The following ATP8A1 variants were observed in gnomAD, a reference collection of about 807,000 sequenced individuals.
The protein encoded by ATP8A1 is phospholipid-transporting ATPase IA.
ATP8A1 carries 90 observed loss-of-function variants against 177.7 expected under a neutral mutation model. The ratio of observed to expected loss-of-function variants is 0.51; its 90% CI spans 0.43 to 0.60. The LOEUF is 0.60. ATP8A1 is among the 20% of genes least tolerant of loss of function. ATP8A1 has a pLI of 0.00. For missense variants in ATP8A1, 1,072 were observed against 1,392.8 expected (o/e 0.77, Z 3.67); for synonymous variants, 493 against 485.9 (o/e 1.01, Z -0.19).
chr4:42,592,178 A>G (rs1560496240), intron 6 of ATP8A1, among the ~76,000 whole-genome samples: 1 of 152,204 alleles, frequency 6.6e-6, no homozygotes, highest in Non-Finnish European at 1.5e-5. Context: ...TCAATAACAA[A>G]AAGCAATGAA....
chr4:42,581,509 C>T lies in ATP8A1; in HGVS notation c.834+112G>A, dbSNP rs1733071742. ...AGATTCTGAACATATAGGGTTGGATCAGGAGTCTGTGACAGATGGTCTCCT... is the reference window on the plus strand; with the variant it reads ...AGATTCTGAACATATAGGGTTGGATTAGGAGTCTGTGACAGATGGTCTCCT... On this transcript the variant is annotated intron_variant, in intron 10 of 36. Transcript: ENST00000381668. 6.1e-5 allele frequency: 47 copies of T among 767,606 alleles called. 2 individuals are homozygous for T. In the South Asian group the frequency reaches 6.7e-4, roughly 11 times the overall value. The allele number at this position is 767,606 out of a possible 1,614,324, so 47.5% of individuals were successfully genotyped here.
chr4:42,626,470 T>C (rs574054646), intron 2 of ATP8A1: 1 of 152,856 alleles, frequency 6.5e-6, no homozygotes, highest in African/African-American at 2.4e-5. Context: ...AGAAGCCGCA[T>C]AAGTGGCCAG....
At chr4:42,558,490 T>C (rs925902270) in intron 15 of ATP8A1, among the ~76,000 whole-genome samples, 2 of 152,240 alleles carry the variant, frequency 1.3e-5, no homozygotes, top group Admixed American at 6.5e-5. Context: ...TTAAAAGTTA[T>C]GATACATTGT....
chr4:42,486,743 T>G (rs1367046718), intron 24 of ATP8A1, among the ~76,000 whole-genome samples: 1 of 152,194 alleles, frequency 6.6e-6, no homozygotes, highest in African/African-American at 2.4e-5. Flanking sequence ...ATATTTTTAC[T>G]GTGCCTTTTC....
At chr4:42,574,492 G>T (rs1732228119) in intron 14 of ATP8A1, 127 bp downstream of exon 14, 3 of 708,484 alleles carry the variant, frequency 4.2e-6, no homozygotes, top group Non-Finnish European at 7.1e-6. Flanking sequence ...AATTATAACA[G>T]CTGCTTTTCA....
intron 6 of ATP8A1, among the ~76,000 whole-genome samples, chr4:42,591,575 GC>G (rs1449374865): frequency 6.6e-6 from 1 of 152,104 alleles, no homozygotes; most frequent in African/African-American, 2.4e-5. Context: ...GGAAGGGTAA[GC>G]CTTTGAATCC....
intron 4 of ATP8A1, among the ~76,000 whole-genome samples, chr4:42,616,530 T>A (rs1397853920): frequency 6.6e-6 from 1 of 152,218 alleles, no homozygotes; most frequent in African/African-American, 2.4e-5. Flanking sequence ...TGTTACCGAA[T>A]TAAGCTGAGC....
At chr4:42,527,327 T>C (rs551171742) in intron 20 of ATP8A1, among the ~76,000 whole-genome samples, 77 of 152,304 alleles carry the variant, frequency 5.1e-4, no homozygotes, top group African/African-American at 1.8e-3. Flanking sequence ...TGGAAAAGAA[T>C]GGGACCCCGC....
At chr4:42,481,613 G>C (rs1721679152) in intron 25 of ATP8A1, among the ~76,000 whole-genome samples, 1 of 152,166 alleles carries the variant, frequency 6.6e-6, no homozygotes, top group East Asian at 1.9e-4. Flanking sequence ...ATTTAGTACA[G>C]TTACTCCCTG....
Position 42,656,718 on chromosome 4 carries a change from C to A in ATP8A1, c.49+107G>T, listed in dbSNP as rs1282262258. 2.8e-5 allele frequency: 36 copies of A among 1,305,154 alleles called. 2 individuals carry two copies. The South Asian group carries it at 6.3e-4, about 23-fold the overall frequency. 80.8% of individuals were successfully genotyped at this position (1,305,154 alleles called of 1,614,324 possible). The stretch of plus-strand genomic sequence containing the variant: ...GGGCCGGGCGCGACAGTCGGACTGC[C>A]GCCGGGGAAGAGGTAGGATGCGGTC... On this transcript the variant is annotated intron_variant, in intron 1 of 36. Coordinates refer to ENST00000381668, the MANE Select transcript of ATP8A1 (RefSeq NM_006095.2).
chr4:42,543,633 A>T (rs529835404), intron 20 of ATP8A1, among the ~76,000 whole-genome samples: 5 of 152,356 alleles, frequency 3.3e-5, no homozygotes, highest in African/African-American at 1.2e-4. Context: ...TTCTGTATTT[A>T]ACTGTCTTCT....
At chr4:42,615,914 C>T (rs1577707673) in intron 5 of ATP8A1, 119 bp downstream of exon 5, 3 of 895,060 alleles carry the variant, frequency 3.4e-6, no homozygotes, top group Non-Finnish European at 5.1e-6. Context: ...AATCAATCTA[C>T]CCCAAAACAA....
At position 42,555,986 on chromosome 4, in the gene ATP8A1, T is replaced by A. The variant is rs1730193538; in HGVS notation, c.1395A>T (p.Glu465Asp). ...EKTFSDSSLLENLQNNHPTAP... is the reference protein window; with the variant it reads ...EKTFSDSSLLDNLQNNHPTAP... ...AACTTACATGATTATTTTGGAGATT[T>A]TCCAGCAATGATGAATCACTAAATG... Residue 465 changes from glutamate (E) to aspartate (D), a missense_variant, in exon 16 of 37, where the codon GAA becomes GAT. This residue lies in a region of ATP8A1 where 388 missense variants were observed against 471.7 expected (regional missense o/e 0.82). Coordinates refer to ENST00000381668, the MANE Select transcript of ATP8A1 (RefSeq NM_006095.2). 1 of 1,610,376 alleles carries A rather than the reference T, an allele frequency of 6.2e-7. No individual in the cohort carries two copies. Among genetic ancestry groups the A allele is most frequent in the South Asian group, 1.1e-5 (1 of 90,490 alleles).
intron 23 of ATP8A1, among the ~76,000 whole-genome samples, chr4:42,506,136 G>T (rs1724343054): frequency 6.6e-6 from 1 of 152,114 alleles, no homozygotes; most frequent in South Asian, 2.1e-4. Flanking sequence ...TAAGGGTGAG[G>T]CCTGCTATGG....
chr4:42,558,480 T>C (rs965263896), intron 15 of ATP8A1, among the ~76,000 whole-genome samples: 1 of 152,364 alleles, frequency 6.6e-6, no homozygotes, highest in Non-Finnish European at 1.5e-5. Context: ...TTAGGCTGAC[T>C]TAAAAGTTAT....
At chr4:42,535,593 T>C (rs1727741722) in intron 20 of ATP8A1, among the ~76,000 whole-genome samples, 1 of 152,052 alleles carries the variant, frequency 6.6e-6, no homozygotes, top group South Asian at 2.1e-4. Flanking sequence ...TGGACGTAAA[T>C]TGTACTCTCG....
intron 35 of ATP8A1, chr4:42,414,982 C>G (rs998233609): frequency 1.2e-5 from 5 of 430,722 alleles, no homozygotes; most frequent in South Asian, 3.1e-5. Flanking sequence ...CACCACCCCC[C>G]ACTCAGTTAT....
chr4:42,598,387 C>T (rs7356276), intron 6 of ATP8A1, among the ~76,000 whole-genome samples: 13,812 of 152,050 alleles, frequency 0.091, 775 homozygotes, highest in African/African-American at 0.15. Context: ...CCATGTTATT[C>T]TACTCATCAA....
intron 9 of ATP8A1, among the ~76,000 whole-genome samples, chr4:42,586,016 C>A (rs147064016): frequency 1.3e-5 from 2 of 152,124 alleles, no homozygotes; most frequent in Non-Finnish European, 2.9e-5. Context: ...GCCTATAACA[C>A]GAGTATTTGG....
Sources: allele counts gnomAD v4.1 joint callset (sites outside exome capture counted in the v4.1 genomes callset), GRCh38; gene constraint gnomAD v4.1.1; regional missense constraint gnomAD v4.1.1; transcripts MANE v1.5; gene names NCBI Gene and HGNC (gene_info 2026-07-23, HGNC 2026-07-21).